TPD52L1: variants seen among roughly 807,000 people sequenced by gnomAD.
TPD52L1 encodes TPD52 like 1.
TPD52L1 carries 18 observed loss-of-function variants against 28.7 expected under a neutral mutation model. That is an observed-to-expected ratio of 0.63 (90% CI 0.43 to 0.93). The LOEUF is 0.93. TPD52L1 is among the 40% of genes least tolerant of loss of function. TPD52L1 has a pLI of 0.00. For missense variants in TPD52L1, 203 were observed against 254.8 expected, an observed-to-expected ratio of 0.80 and a Z score of 1.39; for synonymous variants, 75 against 88.8, an observed-to-expected ratio of 0.84 and a Z score of 0.88.
At chr6:125,154,415 A>C (rs963107335) in intron 1 of TPD52L1, 163 of 989,808 alleles carry the variant, frequency 1.6e-4, no homozygotes, top group Admixed American at 6.1e-4. Flanking sequence ...GAGTGAGAGG[A>C]TCGCCCGCCG....
chr6:125,181,010 G>A (rs891681978), intron 1 of TPD52L1, among the ~76,000 whole-genome samples: 11 of 152,184 alleles, frequency 7.2e-5, no homozygotes, highest in African/African-American at 2.7e-4. Flanking sequence ...AGAGGAAGGG[G>A]AAGAAATGAT....
chr6:125,185,444 A>T (rs1345747904), intron 1 of TPD52L1, among the ~76,000 whole-genome samples: 1 of 152,190 alleles, frequency 6.6e-6, no homozygotes, highest in African/African-American at 2.4e-5. Flanking sequence ...ACATTCTTTA[A>T]GTATTGCCCA....
intron 3 of TPD52L1, among the ~76,000 whole-genome samples, chr6:125,247,516 T>C (rs571770708): frequency 2.2e-4 from 33 of 152,282 alleles, no homozygotes; most frequent in Middle Eastern, 3.4e-3. Context: ...ATCATACCTC[T>C]TTCTTTTCCT....
chr6:125,154,357 C>G (rs1331488008), intron 1 of TPD52L1: 2 of 1,031,672 alleles, frequency 1.9e-6, no homozygotes, highest in East Asian at 8.0e-5. Flanking sequence ...GAATGTGACT[C>G]TTTTCGCCCA....
At chr6:125,183,412 G>A (rs1167959754) in intron 1 of TPD52L1, among the ~76,000 whole-genome samples, 3 of 152,200 alleles carry the variant, frequency 2.0e-5, no homozygotes, top group South Asian at 2.1e-4. Context: ...CCAGGAGGCG[G>A]AGGTTGCAGT....
At chr6:125,253,896 C>A in intron 5 of TPD52L1, 141 bp downstream of exon 5, 2 of 868,874 alleles carry the variant, frequency 2.3e-6, no homozygotes, top group South Asian at 1.3e-5. Flanking sequence ...GCTGACAATT[C>A]TGTGGAAGAA....
At chr6:125,236,346 G>C (rs1796260698) in intron 3 of TPD52L1, among the ~76,000 whole-genome samples, 1 of 152,096 alleles carries the variant, frequency 6.6e-6, no homozygotes, top group Non-Finnish European at 1.5e-5. Context: ...AAAGTAATCA[G>C]ATCACTGCAT....
intron 3 of TPD52L1, among the ~76,000 whole-genome samples, chr6:125,232,365 T>G (rs930738102): frequency 6.6e-6 from 1 of 152,136 alleles, no homozygotes; most frequent in African/African-American, 2.4e-5. Flanking sequence ...CGGATCTTAA[T>G]CATATGTTTG....
At position 125,229,182 on chromosome 6, in the gene TPD52L1, T is replaced by C. The variant is rs144449476; in HGVS notation, c.200T>C (p.Ile67Thr). The C allele has an allele frequency of 4.2e-4, 678 of 1,613,732 alleles. 1 individual carries two copies. The highest frequency in any genetic ancestry group is 5.1e-4 in the Non-Finnish European group (600 of 1,179,842). The stretch of plus-strand genomic sequence containing the variant: ...GCGAAAGAAAGGCATCTAGTTGAGA[T>C]AAAACAAAAACTCGGCATGAACCTG... ...LSAKERHLVEIKQKLGMNLMN... is the reference protein window; with the variant it reads ...LSAKERHLVETKQKLGMNLMN... Residue 67 changes from isoleucine (I) to threonine (T), a missense_variant, in exon 3 of 7, where the codon ATA (isoleucine) becomes ACA (threonine). Ile to Thr is a moderately conservative substitution (Grantham distance 89, BLOSUM62 -1). Coordinates refer to ENST00000534000, the MANE Select transcript of TPD52L1 (RefSeq NM_003287.4).
chr6:125,210,827 T>C (rs999170760), intron 1 of TPD52L1, among the ~76,000 whole-genome samples: 5 of 152,218 alleles, frequency 3.3e-5, no homozygotes, highest in African/African-American at 1.2e-4. Flanking sequence ...TGGGTAGGCA[T>C]TATTATCCCC....
At chr6:125,154,346 G>A in intron 1 of TPD52L1, 1 of 1,047,416 alleles carries the variant, frequency 9.5e-7, no homozygotes, top group Non-Finnish European at 1.1e-6. Context: ...GAGTGGGGAG[G>A]GAATGTGACT....
chr6:125,219,739 G>T (rs930328736), intron 1 of TPD52L1: 2 of 348,484 alleles, frequency 5.7e-6, no homozygotes, highest in Non-Finnish European at 1.1e-5. Flanking sequence ...CCATGGGCGG[G>T]CCTTGGGCTT....
chr6:125,222,932 C>T (rs1795346722), intron 2 of TPD52L1, among the ~76,000 whole-genome samples: 1 of 152,162 alleles, frequency 6.6e-6, no homozygotes, highest in African/African-American at 2.4e-5. Context: ...ATTGCTGTAA[C>T]TCATAAACCA....
At chr6:125,261,072 G>C (rs1013411698) in intron 6 of TPD52L1, 5 of 149,994 alleles carry the variant, frequency 3.3e-5, no homozygotes, top group African/African-American at 4.9e-5. Flanking sequence ...GAAGGGGAAG[G>C]GAAGCCACGC....
At chr6:125,172,098 CCCTTTCTT>C (rs1463889886) in intron 1 of TPD52L1, among the ~76,000 whole-genome samples, 18 of 77,478 alleles carry the variant, frequency 2.3e-4, no homozygotes, top group Admixed American at 5.1e-4. Flanking sequence ...TTCTTTCTTT[CCCTTTCTT>C]TCTTTCTTTC....
intron 1 of TPD52L1, among the ~76,000 whole-genome samples, chr6:125,185,707 T>C (rs974313831): frequency 6.6e-6 from 1 of 151,828 alleles, no homozygotes; most frequent in Non-Finnish European, 1.5e-5. Context: ...ATTAATGAAA[T>C]GGAAAATAGC....
chr6:125,261,873 T>C (rs1220997404), intron 6 of TPD52L1: 1 of 152,252 alleles, frequency 6.6e-6, no homozygotes, highest in Non-Finnish European at 1.5e-5. Context: ...ATATTCATAC[T>C]GTAAGGGTGT....
At chr6:125,172,012 T>C (rs530445883) in intron 1 of TPD52L1, among the ~76,000 whole-genome samples, 221 of 151,972 alleles carry the variant, frequency 1.5e-3, no homozygotes, top group African/African-American at 5.0e-3. Context: ...TTTAAAACGG[T>C]ACCCTTCCCC....
intron 1 of TPD52L1, among the ~76,000 whole-genome samples, chr6:125,169,142 C>T (rs776028980): frequency 1.6e-4 from 25 of 152,126 alleles, no homozygotes; most frequent in Non-Finnish European, 2.9e-4. Flanking sequence ...CCACTATCTG[C>T]TCCTTAAAGC....
Sources: allele counts gnomAD v4.1 joint callset (sites outside exome capture counted in the v4.1 genomes callset), GRCh38; gene constraint gnomAD v4.1.1; transcripts MANE v1.5; gene names NCBI Gene and HGNC (gene_info 2026-07-23, HGNC 2026-07-21).